The following KCNK2 variants were observed in gnomAD, a reference collection of about 807,000 sequenced individuals.
KCNK2 encodes potassium channel subfamily K member 2.
In KCNK2, 21 loss-of-function variants were observed where a neutral mutation model predicts 40.5. That is an observed-to-expected ratio of 0.52 (90% CI 0.37 to 0.75). The LOEUF is 0.75. KCNK2 is among the 30% of genes least tolerant of loss of function. The probability of loss-of-function intolerance (pLI) is 0.00; values close to 1 mark genes in which losing one functional copy is unlikely to be tolerated. For missense variants in KCNK2, 399 were observed against 531.6 expected (o/e 0.75, Z 2.45); for synonymous variants, 191 against 202.2 (o/e 0.94, Z 0.47).
chr1:215,140,387 T>C (rs921277422), intron 3 of KCNK2, among the ~76,000 whole-genome samples: 3 of 152,186 alleles, frequency 2.0e-5, no homozygotes, highest in Non-Finnish European at 2.9e-5. Flanking sequence ...TTATCGACAG[T>C]GACATTTCCT....
rs71167813 is a variant in KCNK2 at position 215,204,037 on chromosome 1, C to CAAAAAAAAAAAAAAAAAA, written c.963+8955_963+8972dup. On this transcript the variant is annotated intron_variant, in intron 6 of 6. Coordinates refer to ENST00000444842, the MANE Select transcript of KCNK2 (RefSeq NM_001017425.3). ...TGGGCGATAGAGCGAGACTCCGTCTCAAAAAAAAAAAAAAAAAAAAAAAAA... is the reference window on the plus strand; with the variant it reads ...TGGGCGATAGAGCGAGACTCCGTCTCAAAAAAAAAAAAAAAAAAAAAAAAAAAAAAAAAAAAAAAAAAA... Among the ~76,000 whole-genome samples, 5 of 53,186 alleles carry CAAAAAAAAAAAAAAAAAA rather than the reference C, an allele frequency of 9.4e-5. 2 individuals carry two copies. The highest frequency in any genetic ancestry group is 5.4e-4 in the African/African-American group (5 of 9,244). 34.9% of individuals were successfully genotyped at this position (53,186 alleles called of 152,430 possible).
At chr1:215,215,932 G>A (rs899141253) in intron 6 of KCNK2, among the ~76,000 whole-genome samples, 5 of 152,040 alleles carry the variant, frequency 3.3e-5, no homozygotes, top group Non-Finnish European at 7.4e-5. Context: ...TTTATTTTCT[G>A]CCTTTTCTTC....
At chr1:215,046,115 C>A (rs1032823275) in intron 1 of KCNK2, among the ~76,000 whole-genome samples, 1 of 152,112 alleles carries the variant, frequency 6.6e-6, no homozygotes, top group Admixed American at 6.5e-5. Context: ...AAGCTGTACT[C>A]AGACTTGTAA....
In KCNK2 at chr1:215,083,003, TGGCGGCGGCGGC is replaced by T. The variant is rs902723623; in HGVS notation, c.-365_-354del. On this transcript the variant is annotated 5_prime_UTR_variant, in exon 1 of 7. Transcript: ENST00000444842. The stretch of plus-strand genomic sequence containing the variant: ...AGCGAGCAGCCCGGGGCTGAGCGCG[TGGCGGCGGCGGC>T]GGCGGCGGCGGCGGCGGGCAGGCGC... 104 of 154,474 alleles carry T rather than the reference TGGCGGCGGCGGC, an allele frequency of 6.7e-4. 2 individuals carry two copies. Among genetic ancestry groups the T allele is most frequent in the Non-Finnish European group, 7.0e-4 (51 of 73,222 alleles). 9.6% of individuals were successfully genotyped at this position (154,474 alleles called of 1,614,324 possible).
Position 215,086,668 on chromosome 1 carries a change from A to C in KCNK2, c.347A>C (p.Glu116Ala), listed in dbSNP as rs536761555. The stretch of plus-strand genomic sequence containing the variant: ...TGTGTCAATTCGACGGAGCTGGATG[A>C]ACTCATTCAGGTAATGGCATGGGAG... The part of the protein sequence containing the change: ...HSCVNSTELD[E>A]LIQQIVAAIN... The change falls in exon 2 of 7, where the codon GAA becomes GCA. Residue 116 changes from glutamate to alanine, a missense_variant. This residue lies in a region of KCNK2 where 279 missense variants were observed against 353.8 expected (regional missense o/e 0.79). Coordinates refer to ENST00000444842, the MANE Select transcript of KCNK2 (RefSeq NM_001017425.3). 4 of 1,613,474 alleles carry C rather than the reference A, an allele frequency of 2.5e-6. No individual in the cohort carries two copies. The highest frequency in any genetic ancestry group is 1.3e-5 in the African/African-American group (1 of 75,052).
chr1:215,155,589 G>A (rs570128714), intron 3 of KCNK2, among the ~76,000 whole-genome samples: 6 of 152,128 alleles, frequency 3.9e-5, no homozygotes, highest in East Asian at 1.9e-4. Flanking sequence ...GCGCGATCTC[G>A]GCTCACTGCA....
In KCNK2 at chr1:215,236,838, G is replaced by T. The variant is rs1666919038; in HGVS notation, c.*1693G>T. The T allele has an allele frequency of 6.6e-6, 1 of 151,832 alleles. No homozygotes were observed. The highest frequency in any genetic ancestry group is 1.5e-5 in the Non-Finnish European group (1 of 67,920). The allele number at this position is 151,832 out of a possible 1,614,324, so 9.4% of individuals were successfully genotyped here. The stretch of plus-strand genomic sequence containing the variant: ...AAAAATAAACCCAGAATCTTTAAAA[G>T]AAGCAAATAAACTAATAGACGCTTA... On this transcript the variant is annotated 3_prime_UTR_variant, in exon 7 of 7. Coordinates refer to ENST00000444842, the MANE Select transcript of KCNK2 (RefSeq NM_001017425.3).
At chr1:215,178,272 G>T (rs1025651709) in intron 5 of KCNK2, among the ~76,000 whole-genome samples, 18 of 152,162 alleles carry the variant, frequency 1.2e-4, no homozygotes, top group African/African-American at 4.3e-4. Context: ...AATTTTTAAG[G>T]TTTTCTAAGT....
upstream of KCNK2, among the ~76,000 whole-genome samples, chr1:215,005,567 T>C (rs775768312): frequency 1.1e-4 from 16 of 152,238 alleles, no homozygotes; most frequent in Admixed American, 6.5e-5. Context: ...TAAGTGACGC[T>C]GGCAACTTTG....
At chr1:215,212,728 C>CA (rs1289507720) in intron 6 of KCNK2, among the ~76,000 whole-genome samples, 4 of 152,188 alleles carry the variant, frequency 2.6e-5, no homozygotes, top group African/African-American at 9.7e-5. Flanking sequence ...ATGCTGGCTT[C>CA]ACAATGATTG....
chr1:215,036,691 G>A (rs981909030), intron 1 of KCNK2, among the ~76,000 whole-genome samples: 1 of 151,568 alleles, frequency 6.6e-6, no homozygotes, highest in African/African-American at 2.4e-5. Context: ...TTAAATCTTT[G>A]CTGCTTATGA....
intron 1 of KCNK2, among the ~76,000 whole-genome samples, chr1:215,024,354 G>A (rs1230962463): frequency 6.6e-6 from 1 of 152,140 alleles, no homozygotes; most frequent in South Asian, 2.1e-4. Flanking sequence ...ACTCTCATAC[G>A]GTTAGTGCAC....
Position 215,093,758 on chromosome 1 carries a change from T to A in KCNK2, c.357+7080T>A, listed in dbSNP as rs56995102. ...ATATAATATAAAAATATATTATATA[T>A]TATATAATATAAAATATATTATATA... On this transcript the variant is annotated intron_variant, in intron 2 of 6. Transcript: ENST00000444842. Among the ~76,000 whole-genome samples, 251 of 53,770 alleles carry A rather than the reference T, an allele frequency of 4.7e-3. 1 individual carries two copies. Among genetic ancestry groups the A allele is most frequent in the Non-Finnish European group, 7.0e-3 (201 of 28,764 alleles). The allele number at this position is 53,770 out of a possible 152,430, so 35.3% of individuals were successfully genotyped here.
chr1:215,132,907 C>T (rs1253870859), intron 3 of KCNK2, among the ~76,000 whole-genome samples: 1 of 152,222 alleles, frequency 6.6e-6, no homozygotes, highest in Admixed American at 6.5e-5. Flanking sequence ...CTTCTCTTCT[C>T]ATTGCCTATG....
At chr1:215,063,876 A>G (rs970984313) in intron 1 of KCNK2, among the ~76,000 whole-genome samples, 5 of 152,212 alleles carry the variant, frequency 3.3e-5, no homozygotes, top group Non-Finnish European at 7.3e-5. Context: ...TCCCTTCACA[A>G]TATTTTCAAA....
At chr1:215,098,545 A>G (rs1660077813) in intron 2 of KCNK2, among the ~76,000 whole-genome samples, 1 of 152,004 alleles carries the variant, frequency 6.6e-6, no homozygotes, top group Non-Finnish European at 1.5e-5. Flanking sequence ...TCATGATGAT[A>G]TTTCCAGACT....
chr1:215,130,141 C>A (rs1198268264), intron 3 of KCNK2, among the ~76,000 whole-genome samples: 1 of 152,172 alleles, frequency 6.6e-6, no homozygotes, highest in African/African-American at 2.4e-5. Flanking sequence ...ACTCCCAGGA[C>A]TCTGGGGAGG....
intron 1 of KCNK2, among the ~76,000 whole-genome samples, chr1:215,039,598 G>A (rs1004036344): frequency 2.6e-5 from 4 of 152,086 alleles, no homozygotes; most frequent in Non-Finnish European, 5.9e-5. Context: ...TTAGAGAGGA[G>A]GCAGAGAAGA....
At chr1:215,219,069 T>A (rs1666068297) in intron 6 of KCNK2, among the ~76,000 whole-genome samples, 1 of 152,234 alleles carries the variant, frequency 6.6e-6, no homozygotes, top group South Asian at 2.1e-4. Flanking sequence ...ATGCAGTTTA[T>A]TTTGATGATT....
Sources: allele counts gnomAD v4.1 joint callset (sites outside exome capture counted in the v4.1 genomes callset), GRCh38; gene constraint gnomAD v4.1.1; regional missense constraint gnomAD v4.1.1; transcripts MANE v1.5; gene names NCBI Gene and HGNC (gene_info 2026-07-23, HGNC 2026-07-21).